CTNND2: variants seen among roughly 807,000 people sequenced by gnomAD.
CTNND2 encodes catenin delta-2.
A neutral mutation model predicts 144.4 loss-of-function variants in CTNND2; 22 were observed. The ratio of observed to expected loss-of-function variants is 0.15; its 90% CI spans 0.11 to 0.22. CTNND2 has a LOEUF of 0.22. Ranked by LOEUF, CTNND2 falls within the 10% of genes least tolerant of loss-of-function variation. The pLI is 1.00. For synonymous variants in CTNND2, 751 were observed against 695.6 expected (o/e 1.08, Z -1.25); for missense variants, 1,353 against 1,618.8 (o/e 0.84, Z 2.82).
chr5:10,973,809 T>C lies in CTNND2; in HGVS notation c.3418-96A>G. The C allele has an allele frequency of 7.2e-7, 1 of 1,381,546 alleles. No individual in the cohort carries two copies. The highest frequency in any genetic ancestry group is 2.5e-5 in the Admixed American group (1 of 39,484). The allele number at this position is 1,381,546 out of a possible 1,614,324, so 85.6% of individuals were successfully genotyped here. A position where few individuals can be genotyped will look rare whatever the true frequency, so the allele number is the denominator to read the frequency against. On this transcript the variant is annotated intron_variant, in intron 21 of 21. Coordinates refer to ENST00000304623, the MANE Select transcript of CTNND2 (RefSeq NM_001332.4). This position sits in a 1 kb window ranked among gnomAD's most constrained non-coding sequence, Gnocchi z 5.6. The stretch of plus-strand genomic sequence containing the variant: ...CCCAACTCTCCTTCAAAGAATAGGC[T>C]GTGTATATCCAGGCATTCACCACTG...
At chr5:11,126,250 G>A (rs1666797090) in intron 12 of CTNND2, among the ~76,000 whole-genome samples, 1 of 152,110 alleles carries the variant, frequency 6.6e-6, no homozygotes, top group African/African-American at 2.4e-5. Context: ...GCGGTGAGCT[G>A]AGATCACGCC....
intron 3 of CTNND2, among the ~76,000 whole-genome samples, chr5:11,448,300 ATTACT>A (rs1419434973): frequency 6.6e-6 from 1 of 152,200 alleles, no homozygotes; most frequent in African/African-American, 2.4e-5. Flanking sequence ...TTGTTATATA[ATTACT>A]TTAAATTGTT....
chr5:11,445,900 T>G (rs1764756202), intron 3 of CTNND2, among the ~76,000 whole-genome samples: 1 of 152,234 alleles, frequency 6.6e-6, no homozygotes, highest in Admixed American at 6.5e-5. Context: ...ACACAGTATT[T>G]AAATAGATAT....
chr5:11,493,997 A>T (rs1561473225), intron 3 of CTNND2, among the ~76,000 whole-genome samples: 2 of 152,188 alleles, frequency 1.3e-5, no homozygotes, highest in Non-Finnish European at 2.9e-5. Flanking sequence ...AAGAGATGTC[A>T]AATATTACAG....
At chr5:11,876,880 T>G (rs1218998651) in intron 1 of CTNND2, among the ~76,000 whole-genome samples, 1 of 152,168 alleles carries the variant, frequency 6.6e-6, no homozygotes, top group Non-Finnish European at 1.5e-5. Flanking sequence ...CATCATGACA[T>G]TTAGTCCAGC....
intron 9 of CTNND2, among the ~76,000 whole-genome samples, chr5:11,343,666 C>T: frequency 6.6e-6 from 1 of 152,178 alleles, no homozygotes; most frequent in East Asian, 1.9e-4. Context: ...GGCACCAATG[C>T]ATTTTCAAGA....
intron 17 of CTNND2, among the ~76,000 whole-genome samples, 184 bp downstream of exon 17, chr5:11,022,585 G>A (rs923380328): frequency 1.3e-5 from 2 of 152,182 alleles, no homozygotes; most frequent in Non-Finnish European, 1.5e-5. Context: ...GTGCTGGATC[G>A]TCAAGTCCAT....
intron 3 of CTNND2, among the ~76,000 whole-genome samples, chr5:11,437,265 A>T (rs1763857215): frequency 6.6e-6 from 1 of 152,230 alleles, no homozygotes; most frequent in African/African-American, 2.4e-5. Context: ...TGGATTTAAG[A>T]TATTCATAAC....
chr5:11,878,205 T>C (rs999845599), intron 1 of CTNND2, among the ~76,000 whole-genome samples: 4 of 152,210 alleles, frequency 2.6e-5, no homozygotes, highest in Non-Finnish European at 5.9e-5. Flanking sequence ...ACTATAGCGG[T>C]ATATATTAAC....
chr5:11,146,859 T>C (rs1457508620), intron 12 of CTNND2, among the ~76,000 whole-genome samples: 1 of 152,236 alleles, frequency 6.6e-6, no homozygotes, highest in East Asian at 1.9e-4. Context: ...AGCAGTTACA[T>C]GGCTCTACCC....
chr5:11,009,605 C>G (rs1740845086), intron 18 of CTNND2, among the ~76,000 whole-genome samples: 1 of 152,232 alleles, frequency 6.6e-6, no homozygotes, highest in Admixed American at 6.5e-5. Context: ...AGCTCCTGAT[C>G]TGGTCCTTTG....
At chr5:11,729,620 A>G (rs960375182) in intron 2 of CTNND2, among the ~76,000 whole-genome samples, 4 of 152,196 alleles carry the variant, frequency 2.6e-5, no homozygotes, top group Non-Finnish European at 2.9e-5. Flanking sequence ...ATTTTTGGCT[A>G]TTTCAAATAA....
chr5:11,440,859 T>C (rs1764198846), intron 3 of CTNND2, among the ~76,000 whole-genome samples: 1 of 152,216 alleles, frequency 6.6e-6, no homozygotes, highest in Non-Finnish European at 1.5e-5. Flanking sequence ...ATCCATAAAA[T>C]TGTCAAACTA....
chr5:11,094,263 A>G (rs1010403417), intron 15 of CTNND2, among the ~76,000 whole-genome samples: 7 of 152,208 alleles, frequency 4.6e-5, no homozygotes, highest in Admixed American at 4.6e-4. Context: ...TCTGTCTTCT[A>G]AAATTACTAG....
At chr5:11,421,227 T>C (rs1200495397) in intron 3 of CTNND2, among the ~76,000 whole-genome samples, 1 of 152,172 alleles carries the variant, frequency 6.6e-6, no homozygotes, top group Non-Finnish European at 1.5e-5. Context: ...AGGAAAGTGG[T>C]AGCTCCAGTT....
chr5:11,804,755 T>C (rs1791898524), intron 1 of CTNND2, among the ~76,000 whole-genome samples: 1 of 152,144 alleles, frequency 6.6e-6, no homozygotes, highest in South Asian at 2.1e-4. Context: ...TTTAGGGCAG[T>C]GAAACTATTC....
intron 9 of CTNND2, among the ~76,000 whole-genome samples, chr5:11,265,892 A>G (rs1021590265): frequency 2.0e-5 from 3 of 151,734 alleles, no homozygotes; most frequent in African/African-American, 7.2e-5. Context: ...TTTTATTTTT[A>G]GTAGAGACTG....
intron 2 of CTNND2, among the ~76,000 whole-genome samples, chr5:11,611,473 T>A (rs1311876854): frequency 6.6e-6 from 1 of 152,194 alleles, no homozygotes; most frequent in Non-Finnish European, 1.5e-5. Flanking sequence ...TTTATCAGGA[T>A]GCAATGACAA....
At chr5:11,083,829 A>C (rs1749854529) in intron 15 of CTNND2, 226 of 706,626 alleles carry the variant, frequency 3.2e-4, no homozygotes, top group Non-Finnish European at 3.8e-4. Context: ...CCACCAGGCC[A>C]CCTCCACCCC....
Sources: gnomAD v4.1 joint callset for allele counts (sites outside exome capture counted in the v4.1 genomes callset) on GRCh38, gnomAD v4.1.1 for gene constraint, Gnocchi (gnomAD v3.1) non-coding constraint, MANE v1.5 for transcripts, NCBI Gene and HGNC (gene_info 2026-07-23, HGNC 2026-07-21) for gene names.